SOS2: variants seen among roughly 807,000 people sequenced by gnomAD.
SOS2 encodes SOS Ras/Rho guanine nucleotide exchange factor 2.
In SOS2, 65 loss-of-function variants were observed where a neutral mutation model predicts 148.2. The ratio of observed to expected loss-of-function variants is 0.44; its 90% CI spans 0.36 to 0.54. SOS2 has a LOEUF of 0.54. Among genes scored for constraint, SOS2 ranks in the 20% least tolerant of loss-of-function variants. The pLI is 0.00. For synonymous variants in SOS2, 539 were observed against 537.1 expected (o/e 1.00, Z -0.05); for missense variants, 1,341 against 1,590.2 (o/e 0.84, Z 2.67).
chr14:50,221,983 TATC>T (rs1350290472), intron 1 of SOS2, among the ~76,000 whole-genome samples: 4 of 152,236 alleles, frequency 2.6e-5, no homozygotes, highest in South Asian at 4.1e-4. Context: ...AATCTAAAAA[TATC>T]ATATTAGAAT....
Position 50,182,514 on chromosome 14 carries a change from A to G in SOS2, c.807T>C (p.Asp269=). 6.2e-7 allele frequency: 1 copy of G among 1,613,932 alleles called. No individual in the cohort carries two copies. The highest frequency in any genetic ancestry group is 8.5e-7 in the Non-Finnish European group (1 of 1,179,794). The change falls in exon 6 of 23, where the codon GAT becomes GAC. Residue 269 remains aspartate, a synonymous_variant. Coordinates refer to ENST00000216373, the MANE Select transcript of SOS2 (RefSeq NM_006939.4). ...CAGCTAAGGGATGAGGACTGCTTTC[A>G]TCAGTCATTTCAACTGTGTCTTCAA... The part of the protein sequence containing the change: ...GLIEDTVEMT[D]ESSPHPLAGS...
chr14:50,212,468 G>A (rs934613707), intron 1 of SOS2, among the ~76,000 whole-genome samples: 4 of 152,196 alleles, frequency 2.6e-5, no homozygotes, highest in East Asian at 1.9e-4. Context: ...GCGAGACTCC[G>A]TCTCAAAAAG....
chr14:50,214,546 G>A (rs1438682769), intron 1 of SOS2, among the ~76,000 whole-genome samples: 2 of 151,920 alleles, frequency 1.3e-5, no homozygotes, highest in African/African-American at 2.4e-5. Context: ...AGGCGTAGTG[G>A]GGTGTCTGTA....
At chr14:50,181,071 C>G (rs1448507818) in intron 6 of SOS2, among the ~76,000 whole-genome samples, 1 of 152,130 alleles carries the variant, frequency 6.6e-6, no homozygotes, top group African/African-American at 2.4e-5. Flanking sequence ...TGGAAGTGAA[C>G]GTGGCAAAGT....
chr14:50,216,812 T>C (rs1887052021), intron 1 of SOS2, among the ~76,000 whole-genome samples: 1 of 152,120 alleles, frequency 6.6e-6, no homozygotes, highest in Non-Finnish European at 1.5e-5. Flanking sequence ...TGATAGGAAT[T>C]AAAGACTTAA....
chr14:50,180,532 T>TAAA lies in SOS2; in HGVS notation c.969+39_969+40insTTT, dbSNP rs748956316. 2,726 of 465,200 alleles carry TAAA rather than the reference T, an allele frequency of 5.9e-3. 124 individuals are homozygous for TAAA. The African/African-American group carries it at 0.06, about 10-fold the overall frequency. 28.8% of individuals were successfully genotyped at this position (465,200 alleles called of 1,614,324 possible). On this transcript the variant is annotated intron_variant, in intron 7 of 22. Coordinates refer to ENST00000216373, the MANE Select transcript of SOS2 (RefSeq NM_006939.4). ...AATAGTGAGATATTTATTTGCTTTA[T>TAAA]TAAAAAAAAAAAAAAAAAAAACCTT...
At chr14:50,185,639 C>G (rs2139722105) in intron 5 of SOS2, among the ~76,000 whole-genome samples, 1 of 150,858 alleles carries the variant, frequency 6.6e-6, no homozygotes, top group Admixed American at 6.6e-5. Flanking sequence ...TTGCAGTGAG[C>G]CAGGACTGCA....
intron 10 of SOS2, among the ~76,000 whole-genome samples, chr14:50,159,042 T>C (rs1884911021): frequency 6.6e-6 from 1 of 151,794 alleles, no homozygotes; most frequent in Non-Finnish European, 1.5e-5. Context: ...AAAAAAAAAT[T>C]AGCCGGGCAT....
intron 21 of SOS2, among the ~76,000 whole-genome samples, chr14:50,121,286 T>C (rs1883498275): frequency 1.3e-5 from 2 of 152,208 alleles, no homozygotes; most frequent in South Asian, 4.1e-4. Flanking sequence ...ATTTTTTCTA[T>C]AGTTCAACTT....
Position 50,199,862 on chromosome 14 carries a change from AAAG to A in SOS2, c.346-10_346-8del, listed in dbSNP as rs1192276075. On this transcript the variant is annotated splice_region_variant and splice_polypyrimidine_tract_variant and intron_variant, in intron 3 of 22. Coordinates refer to ENST00000216373, the MANE Select transcript of SOS2 (RefSeq NM_006939.4). ...CTTTGTACCCTAATACTTCCTGTGA[AAAG>A]AATAAATAATTTAATTGCAAAATGT... The A allele has an allele frequency of 2.2e-5, 34 of 1,536,154 alleles. No homozygotes were observed. Among genetic ancestry groups the A allele is most frequent in the Non-Finnish European group, 2.8e-5 (32 of 1,130,834 alleles).
At position 50,136,573 on chromosome 14, in the gene SOS2, T is replaced by C. The variant is rs537312150; in HGVS notation, c.2958+2039A>G. Reference sequence around the variant, plus strand: ...CCATCAGTAGGTTACCACCTTTATTTTTTTTAAGAGCAAGTATCTTTTTTT... The same window carrying C: ...CCATCAGTAGGTTACCACCTTTATTCTTTTTAAGAGCAAGTATCTTTTTTT... On this transcript the variant is annotated intron_variant, in intron 18 of 22. Coordinates refer to ENST00000216373, the MANE Select transcript of SOS2 (RefSeq NM_006939.4). 4.7e-5 allele frequency among the ~76,000 whole-genome samples: 7 copies of C among 147,592 alleles called. No homozygotes were observed. The South Asian group carries it at 1.3e-3, about 27-fold the overall frequency.
At chr14:50,134,676 G>GTTTAA (rs1884015124) in intron 18 of SOS2, among the ~76,000 whole-genome samples, 1 of 152,056 alleles carries the variant, frequency 6.6e-6, no homozygotes, top group Non-Finnish European at 1.5e-5. Context: ...TTAGATTAAG[G>GTTTAA]TCTGTTAATC....
chr14:50,135,507 T>C (rs1017681576), intron 18 of SOS2, among the ~76,000 whole-genome samples: 6 of 150,424 alleles, frequency 4.0e-5, no homozygotes, highest in African/African-American at 1.2e-4. Context: ...TTACTGTGCA[T>C]GTAAATATAT....
intron 2 of SOS2, among the ~76,000 whole-genome samples, chr14:50,202,467 C>T (rs967885911): frequency 1.3e-4 from 20 of 150,196 alleles, no homozygotes; most frequent in African/African-American, 4.7e-4. Flanking sequence ...GCATGGTGGC[C>T]CATGCCTCTA....
Position 50,130,554 on chromosome 14 carries a change from G to C in SOS2, c.3284C>G (p.Ser1095Cys), listed in dbSNP as rs747159089. 4 of 1,613,912 alleles carry C rather than the reference G, an allele frequency of 2.5e-6. No individual in the cohort carries two copies. The South Asian group carries it at 4.4e-5, about 18-fold the overall frequency. ...AAATACACTAAGGTCTGAAGAAGCA[G>C]ATACTGGTGGAGTAGATGGTGTATT... is the stretch of plus-strand genomic sequence containing the variant. ...SPNTPSTPPVSASSDLSVFLD... is the reference protein window; with the variant it reads ...SPNTPSTPPVCASSDLSVFLD... The change falls in exon 20 of 23, where the codon TCT becomes TGT. Residue 1095 changes from serine (S) to cysteine (C), a missense_variant. Transcript: ENST00000216373.
In SOS2 at chr14:50,118,151, G is replaced by C. The variant is rs1282884603; in HGVS notation, c.*193C>G. 8.8e-6 allele frequency: 5 copies of C among 566,880 alleles called. No individual in the cohort carries two copies. The highest frequency in any genetic ancestry group is 3.0e-5 in the East Asian group (1 of 33,770). The allele number at this position is 566,880 out of a possible 1,614,324, so 35.1% of individuals were successfully genotyped here. A position where few individuals can be genotyped will look rare whatever the true frequency, so the allele number is the denominator to read the frequency against. ...GGATCCAAGACAAGGCAATGCTACT[G>C]ATCACCTGAGGATAATGGTGAAGGA... On this transcript the variant is annotated 3_prime_UTR_variant, in exon 23 of 23. Transcript: ENST00000216373.
Position 50,204,265 on chromosome 14 carries a change from A to G in SOS2, c.213+19T>C. 1 of 1,535,756 alleles carries G rather than the reference A, an allele frequency of 6.5e-7. No homozygotes were observed. Among genetic ancestry groups the G allele is most frequent in the Non-Finnish European group, 8.8e-7 (1 of 1,137,642 alleles). On this transcript the variant is annotated intron_variant, in intron 2 of 22. Coordinates refer to ENST00000216373, the MANE Select transcript of SOS2 (RefSeq NM_006939.4). ...TACAGTGGTTGAGTGACTTTTTGAA[A>G]TGACAAAATAATTTTTACCTCTACA...
chr14:50,200,918 G>A (rs776974537), intron 3 of SOS2, 35 bp downstream of exon 3: 6 of 1,598,666 alleles, frequency 3.8e-6, no homozygotes, highest in Non-Finnish European at 5.1e-6. Flanking sequence ...TTGTTATAAA[G>A]AACACCCCCC....
rs745868017 is a variant in SOS2, at chr14:50,150,068, A to G, written c.2324T>C (p.Met775Thr). 7.4e-6 allele frequency: 12 copies of G among 1,614,126 alleles called. No individual in the cohort carries two copies. Among genetic ancestry groups the G allele is most frequent in the Non-Finnish European group, 1.0e-5 (12 of 1,179,970 alleles). The change falls in exon 14 of 23, where the codon ATG becomes ACG. Residue 775 changes from methionine to threonine, a missense_variant. Physicochemically the swap from Met to Thr is moderately conservative, Grantham distance 81. This residue lies in a region of SOS2 where 408 missense variants were observed against 506.6 expected (regional missense o/e 0.81). Coordinates refer to ENST00000216373, the MANE Select transcript of SOS2 (RefSeq NM_006939.4). ...KPGQFETFDL[M>T]TLHPIEIARQ... ...TGCAATTTCTATTGGATGAAGTGTC[A>G]TGAGATCAAATGTTTCAAACTGTCC...
Sources: allele counts gnomAD v4.1 joint callset (sites outside exome capture counted in the v4.1 genomes callset), GRCh38; gene constraint gnomAD v4.1.1; regional missense constraint gnomAD v4.1.1; transcripts MANE v1.5; gene names NCBI Gene and HGNC (gene_info 2026-07-23, HGNC 2026-07-21).